TREML4: variants seen among roughly 807,000 people sequenced by gnomAD.
TREML4 encodes the protein triggering receptor expressed on myeloid cells like 4, also known as trem-like transcript 4 protein.
In TREML4, 25 loss-of-function variants were observed where a neutral mutation model predicts 25.4. The observed-to-expected ratio is 0.98, with a 90% CI of 0.72 to 1.37. The LOEUF (loss-of-function observed/expected upper bound fraction) is 1.37. TREML4 is among the 40% of genes most tolerant of loss of function. The pLI is 0.00. For synonymous variants in TREML4, 92 were observed against 87.9 expected (o/e 1.05, Z -0.26); for missense variants, 268 against 236.5 (o/e 1.13, Z -0.87).
chr6:41,232,433 G>A (rs1414644389), intron 4 of TREML4: 41 of 381,034 alleles, frequency 1.1e-4, no homozygotes, highest in South Asian at 6.5e-4. Flanking sequence ...TAACATTCTA[G>A]ACTAGCAGTC....
intron 4 of TREML4, among the ~76,000 whole-genome samples, chr6:41,233,994 CAT>C (rs1377512306): frequency 6.6e-6 from 1 of 151,452 alleles, no homozygotes; most frequent in Non-Finnish European, 1.5e-5. Context: ...TATAAGTACA[CAT>C]ATATATGTTT....
rs1266249448 is a variant in TREML4, at chr6:41,228,947, G to A, written c.297G>A (p.Leu99=). ...TCTTCAACATCACCATGATTCAGCTGACACAGAATGACTCGGGATTCTACT... is the reference window on the plus strand; with the variant it reads ...TCTTCAACATCACCATGATTCAGCTAACACAGAATGACTCGGGATTCTACT... ...AGFFNITMIQ[L]TQNDSGFYWC... The change falls in exon 2 of 6, where the codon CTG becomes CTA. Residue 99 remains leucine (L), a synonymous_variant. Transcript: ENST00000341495. 6.2e-7 allele frequency: 1 copy of A among 1,614,062 alleles called. No homozygotes were observed. The highest frequency in any genetic ancestry group is 8.5e-7 in the Non-Finnish European group (1 of 1,179,918).
intron 4 of TREML4, among the ~76,000 whole-genome samples, chr6:41,235,107 C>T (rs145850569): frequency 6.6e-6 from 1 of 152,072 alleles, no homozygotes; most frequent in Non-Finnish European, 1.5e-5. Flanking sequence ...AATTCATAAA[C>T]TACAGGAAAA....
At chr6:41,230,614 A>G (rs1324695592) in intron 4 of TREML4, among the ~76,000 whole-genome samples, 1 of 152,200 alleles carries the variant, frequency 6.6e-6, no homozygotes, top group Non-Finnish European at 1.5e-5. Context: ...CTAGGGGACC[A>G]TGGAGCACAG....
intron 4 of TREML4, among the ~76,000 whole-genome samples, chr6:41,233,113 C>T (rs1766833095): frequency 6.6e-6 from 1 of 152,158 alleles, no homozygotes; most frequent in Non-Finnish European, 1.5e-5. Flanking sequence ...AGATAAGAGT[C>T]TTCAGGTTAA....
Position 41,237,217 on chromosome 6 carries a change from T to C in TREML4, c.*198T>C. On this transcript the variant is annotated 3_prime_UTR_variant, in exon 6 of 6. Coordinates refer to ENST00000341495, the MANE Select transcript of TREML4 (RefSeq NM_198153.3). ...TCCCCACCTCCTTGTGAGGAAAGGCTAGCGCTAAGCCTATTGGAGAGAACT... is the reference window on the plus strand; with the variant it reads ...TCCCCACCTCCTTGTGAGGAAAGGCCAGCGCTAAGCCTATTGGAGAGAACT... 6.5e-6 allele frequency: 1 copy of C among 153,342 alleles called. No homozygotes were observed. The highest frequency in any genetic ancestry group is 1.5e-5 in the Non-Finnish European group (1 of 68,580). 9.5% of individuals were successfully genotyped at this position (153,342 alleles called of 1,614,324 possible).
At chr6:41,229,082 C>A (rs1331138674) in intron 2 of TREML4, 38 bp downstream of exon 2, 20 of 1,545,460 alleles carry the variant, frequency 1.3e-5, no homozygotes, top group Non-Finnish European at 1.6e-5. Context: ...CTGTGCCACC[C>A]CCCAGGGACC....
chr6:41,236,313 CT>C (rs1443420743), intron 4 of TREML4, among the ~76,000 whole-genome samples, 172 bp from the exon 5 acceptor site: 1 of 152,184 alleles, frequency 6.6e-6, no homozygotes, highest in African/African-American at 2.4e-5. Context: ...ACTAGGTCCC[CT>C]CTCAGTCCCA....
intron 4 of TREML4, among the ~76,000 whole-genome samples, chr6:41,235,482 C>T (rs1333763808): frequency 6.6e-6 from 1 of 152,066 alleles, no homozygotes; most frequent in Non-Finnish European, 1.5e-5. Flanking sequence ...AGCAAGGCTG[C>T]CAGATACAAA....
In TREML4 at chr6:41,230,097, C is replaced by T; in HGVS notation, c.481C>T (p.Pro161Ser). The change falls in exon 4 of 6, where the codon CCC (proline) becomes TCC (serine). Residue 161 changes from proline (P) to serine (S), a missense_variant. By Grantham distance (74) the Pro-to-Ser change is moderately conservative (BLOSUM62 -1). Transcript: ENST00000341495. Reference sequence around the variant, plus strand: ...TTCTCCAGAGGGGACCTCTGGCCATCCCTCCATCAATGGCTCTGAGACCAG... The same window carrying T: ...TTCTCCAGAGGGGACCTCTGGCCATTCCTCCATCAATGGCTCTGAGACCAG... ...ITSPEGTSGH[P>S]SINGSETRKS... 6.2e-7 allele frequency: 1 copy of T among 1,611,984 alleles called. No homozygotes were observed. The highest frequency in any genetic ancestry group is 1.1e-5 in the South Asian group (1 of 91,038).
In TREML4 at chr6:41,230,101, C is replaced by G; in HGVS notation, c.485C>G (p.Ser162Cys). The G allele has an allele frequency of 6.2e-7, 1 of 1,611,978 alleles. No homozygotes were observed. Among genetic ancestry groups the G allele is most frequent in the Non-Finnish European group, 8.5e-7 (1 of 1,178,042 alleles). Residue 162 changes from serine (S) to cysteine (C), a missense_variant, in exon 4 of 6, where the codon TCC becomes TGC. Physicochemically the swap from Ser to Cys is moderately radical, Grantham distance 112. Coordinates refer to ENST00000341495, the MANE Select transcript of TREML4 (RefSeq NM_198153.3). ...TSPEGTSGHP[S>C]INGSETRKSR... The stretch of plus-strand genomic sequence containing the variant: ...CCAGAGGGGACCTCTGGCCATCCCT[C>G]CATCAATGGCTCTGAGACCAGGTAG...
chr6:41,228,623 T>C (rs768751585), intron 1 of TREML4, 91 bp from the exon 2 acceptor site: 2 of 1,503,518 alleles, frequency 1.3e-6, no homozygotes, highest in Middle Eastern at 1.8e-4. Context: ...TCAGAACTAG[T>C]TCCCCCTCCC....
In TREML4 at chr6:41,235,866, G is replaced by A. The variant is rs114225569; in HGVS notation, c.507-620G>A. On this transcript the variant is annotated intron_variant, in intron 4 of 5. Coordinates refer to ENST00000341495, the MANE Select transcript of TREML4 (RefSeq NM_198153.3). ...CCATGAAAAAGTGAAAATAAAAAGA[G>A]CTCACTGACTTTATCATATATTATG... Among the ~76,000 whole-genome samples the A allele has an allele frequency of 9.3e-3, 1,417 of 152,272 alleles. 20 individuals are homozygous for A. Among genetic ancestry groups the A allele is most frequent in the Non-Finnish European group, 0.011 (774 of 68,014 alleles).
chr6:41,229,853 G>C (rs1225761162), intron 3 of TREML4, among the ~76,000 whole-genome samples: 1 of 152,136 alleles, frequency 6.6e-6, no homozygotes, highest in African/African-American at 2.4e-5. Context: ...CAGCCCTCCT[G>C]CCCCTGTCCT....
chr6:41,228,623 T>A (rs768751585), intron 1 of TREML4, 91 bp from the exon 2 acceptor site: 54 of 1,503,400 alleles, frequency 3.6e-5, no homozygotes, highest in Non-Finnish European at 4.7e-5. Context: ...TCAGAACTAG[T>A]TCCCCCTCCC....
intron 2 of TREML4, 36 bp downstream of exon 2, chr6:41,229,080 C>A (rs1220303717): frequency 1.9e-6 from 3 of 1,547,376 alleles, no homozygotes; most frequent in Non-Finnish European, 2.7e-6. Flanking sequence ...CTCTGTGCCA[C>A]CCCCCAGGGA....
rs1197352667 is a variant in TREML4, at chr6:41,236,519, T to C, written c.540T>C (p.Gly180=). ...GAGCCCCTGCCTGCCTTGGCTCAGG[T>C]GGCCCCAGATTCCTGGTCTTGGTGC... ...KSRAPACLGS[G]GPRFLVLVLC... Residue 180 remains glycine, a synonymous_variant, in exon 5 of 6, where the codon GGT becomes GGC. Transcript: ENST00000341495. 1 of 1,614,164 alleles carries C rather than the reference T, an allele frequency of 6.2e-7. No individual in the cohort carries two copies. Among genetic ancestry groups the C allele is most frequent in the Non-Finnish European group, 8.5e-7 (1 of 1,180,028 alleles).
chr6:41,232,371 G>T, intron 4 of TREML4: 1 of 406,088 alleles, frequency 2.5e-6, no homozygotes, highest in Non-Finnish European at 5.1e-6. Flanking sequence ...AGGAATGGCA[G>T]CTAAGAGCAA....
At chr6:41,236,664 A>T in intron 5 of TREML4, 47 bp downstream of exon 5, 1 of 1,093,664 alleles carries the variant, frequency 9.1e-7, no homozygotes, top group East Asian at 2.4e-5. Context: ...CTGGGGCCAG[A>T]TTCTGTTCCT....
Sources: allele counts gnomAD v4.1 joint callset (sites outside exome capture counted in the v4.1 genomes callset), GRCh38; gene constraint gnomAD v4.1.1; transcripts MANE v1.5; gene names NCBI Gene and HGNC (gene_info 2026-07-23, HGNC 2026-07-21).